KCNG3: variants seen among roughly 807,000 people sequenced by gnomAD.
The protein encoded by KCNG3 is voltage-gated potassium channel regulatory subunit KCNG3.
KCNG3 carries 15 observed loss-of-function variants against 29.0 expected under a neutral mutation model. The observed-to-expected ratio is 0.52, with a 90% CI of 0.35 to 0.80. The LOEUF (loss-of-function observed/expected upper bound fraction) is 0.80. Ranked by LOEUF, KCNG3 falls within the 30% of genes least tolerant of loss-of-function variation. The pLI, the probability that KCNG3 is intolerant of heterozygous loss-of-function variation, is 0.01. For missense variants in KCNG3, 512 were observed against 605.7 expected, an observed-to-expected ratio of 0.85 and a Z score of 1.62; for synonymous variants, 322 against 248.9, an observed-to-expected ratio of 1.29 and a Z score of -2.76.
At chr2:42,406,367 G>A in the KCNG3 span, among the ~76,000 whole-genome samples, 1 of 151,598 alleles carries the variant, frequency 6.6e-6, no homozygotes, top group Admixed American at 6.6e-5. Context: ...TTACAGGCAT[G>A]TGCCACCACA....
the KCNG3 span, among the ~76,000 whole-genome samples, chr2:42,396,817 C>T: frequency 2.3e-3 from 345 of 152,262 alleles, 3 homozygotes; most frequent in Non-Finnish European, 3.0e-3. Flanking sequence ...CAGGCACATG[C>T]TGTAACCACT....
chr2:42,482,295 C>T (rs1455745550), intron 1 of KCNG3, among the ~76,000 whole-genome samples: 1 of 152,222 alleles, frequency 6.6e-6, no homozygotes, highest in Non-Finnish European at 1.5e-5. Flanking sequence ...ATATAACCTA[C>T]AGATCGGGCA....
intron 1 of KCNG3, among the ~76,000 whole-genome samples, chr2:42,472,903 A>ATAT (rs767058610): frequency 0.013 from 1,710 of 131,502 alleles, 40 homozygotes; most frequent in African/African-American, 0.046. Flanking sequence ...ATATATATAT[A>ATAT]TTTTTTTTTT....
At chr2:42,477,309 C>T (rs1418653901) in intron 1 of KCNG3, among the ~76,000 whole-genome samples, 2 of 149,190 alleles carry the variant, frequency 1.3e-5, no homozygotes, top group Non-Finnish European at 3.0e-5. Flanking sequence ...AGGGACGATA[C>T]ATTAAAATAT....
At chr2:42,441,907 C>T (rs1203734882), downstream of KCNG3, 5 of 151,750 alleles carry the variant, frequency 3.3e-5, no homozygotes, top group East Asian at 7.7e-4. Flanking sequence ...CAGACACTGT[C>T]GGGGATACAA....
chr2:42,407,217 G>A, the KCNG3 span, among the ~76,000 whole-genome samples: 2 of 135,164 alleles, frequency 1.5e-5, no homozygotes, highest in Non-Finnish European at 3.1e-5. Flanking sequence ...TTGCTCCATC[G>A]CCCAGGCTGG....
downstream of KCNG3, among the ~76,000 whole-genome samples, chr2:42,441,246 A>G (rs1325498541): frequency 6.6e-6 from 1 of 151,472 alleles, no homozygotes; most frequent in Non-Finnish European, 1.5e-5. Context: ...AAAATTAACC[A>G]GCATGGTGAT....
intron 1 of KCNG3, among the ~76,000 whole-genome samples, chr2:42,459,004 C>A (rs1672946741): frequency 6.6e-6 from 1 of 152,022 alleles, no homozygotes; most frequent in South Asian, 2.1e-4. Flanking sequence ...CAAGACGAGT[C>A]CGACCAACAT....
intron 1 of KCNG3, among the ~76,000 whole-genome samples, chr2:42,446,505 A>ATTTAT (rs1672601355): frequency 6.6e-6 from 1 of 152,134 alleles, no homozygotes; most frequent in African/African-American, 2.4e-5. Flanking sequence ...CGAAATTAAA[A>ATTTAT]TTTATAATTA....
chr2:42,443,662 A>C lies in KCNG3; in HGVS notation c.*272T>G, dbSNP rs772738922. On this transcript the variant is annotated 3_prime_UTR_variant, in exon 2 of 2. Transcript: ENST00000306078. ...TGTTCAAATAATGTATTTTTTAAAA[A>C]TGTGTAATCATTCAAGGAAACGGGA... 1 of 319,494 alleles carries C rather than the reference A, an allele frequency of 3.1e-6. No homozygotes were observed. Among genetic ancestry groups the C allele is most frequent in the Non-Finnish European group, 5.7e-6 (1 of 176,074 alleles). 19.8% of individuals were successfully genotyped at this position (319,494 alleles called of 1,614,324 possible). A position where few individuals can be genotyped will look rare whatever the true frequency, so the allele number is the denominator to read the frequency against.
At chr2:42,388,865 C>T in the KCNG3 span, among the ~76,000 whole-genome samples, 799 of 152,092 alleles carry the variant, frequency 5.3e-3, 2 homozygotes, top group Middle Eastern at 0.02. Flanking sequence ...CTTCTAAGCA[C>T]ATAATTTTTT....
chr2:42,437,474 C>T (rs1397631435), downstream of KCNG3, among the ~76,000 whole-genome samples: 1 of 152,164 alleles, frequency 6.6e-6, no homozygotes. Context: ...AAAGTTTCTA[C>T]CTCTGTCCTA....
At chr2:42,492,816 T>G (rs116276862) in intron 1 of KCNG3, 21 bp downstream of exon 1, 2 of 1,453,242 alleles carry the variant, frequency 1.4e-6, no homozygotes, top group Non-Finnish European at 9.1e-7. Flanking sequence ...ACGGGACGGG[T>G]AGAGAAGCAG....
chr2:42,430,570 G>C, the KCNG3 span, among the ~76,000 whole-genome samples: 1 of 151,784 alleles, frequency 6.6e-6, no homozygotes, highest in Admixed American at 6.6e-5. Context: ...GGGCAACATA[G>C]TTAGCCCTTG....
chr2:42,491,800 G>A (rs867739651), intron 1 of KCNG3, among the ~76,000 whole-genome samples: 17 of 152,156 alleles, frequency 1.1e-4, no homozygotes, highest in African/African-American at 4.1e-4. Flanking sequence ...CAAGGCCGCC[G>A]TTCCGAACAT....
At chr2:42,441,018 A>C (rs1046315211), downstream of KCNG3, among the ~76,000 whole-genome samples, 3 of 152,190 alleles carry the variant, frequency 2.0e-5, no homozygotes, top group African/African-American at 4.8e-5. Context: ...TCTGCCATGA[A>C]AAGACTGAGT....
chr2:42,443,099 A>G lies in KCNG3; in HGVS notation c.*835T>C. ...AGGTTGTAATATTGAGTCATCTCAA[A>G]TTATTCCTATTATAATTTTTATGTT... On this transcript the variant is annotated 3_prime_UTR_variant, in exon 2 of 2. Coordinates refer to ENST00000306078, the MANE Select transcript of KCNG3 (RefSeq NM_133329.6). The G allele has an allele frequency of 6.6e-6, 1 of 152,172 alleles. No individual in the cohort carries two copies. The highest frequency in any genetic ancestry group is 2.1e-4 in the South Asian group (1 of 4,830). 9.4% of individuals were successfully genotyped at this position (152,172 alleles called of 1,614,324 possible).
chr2:42,461,812 A>T (rs965703824), intron 1 of KCNG3, among the ~76,000 whole-genome samples: 2 of 152,174 alleles, frequency 1.3e-5, no homozygotes, highest in East Asian at 3.8e-4. Context: ...GAATTATGAG[A>T]CTAGAAAGGA....
At chr2:42,455,305 GAAAAAC>G (rs375728961) in intron 1 of KCNG3, among the ~76,000 whole-genome samples, 44 of 152,194 alleles carry the variant, frequency 2.9e-4, no homozygotes, top group African/African-American at 8.7e-4. Context: ...GGGGTCAATG[GAAAAAC>G]AAAAACAAAA....
Sources: allele counts gnomAD v4.1 joint callset (sites outside exome capture counted in the v4.1 genomes callset), GRCh38; gene constraint gnomAD v4.1.1; transcripts MANE v1.5; gene names NCBI Gene and HGNC (gene_info 2026-07-23, HGNC 2026-07-21).